TGM3: variants seen among roughly 807,000 people sequenced by gnomAD.
TGM3 encodes protein-glutamine gamma-glutamyltransferase E.
TGM3 carries 52 observed loss-of-function variants against 73.8 expected under a neutral mutation model. The ratio of observed to expected loss-of-function variants is 0.70; its 90% CI spans 0.56 to 0.89. The LOEUF (loss-of-function observed/expected upper bound fraction) is 0.89. Ranked by LOEUF, TGM3 falls within the 40% of genes least tolerant of loss-of-function variation. The pLI is 0.00. For synonymous variants in TGM3, 372 were observed against 354.9 expected, an observed-to-expected ratio of 1.05 and a Z score of -0.54; for missense variants, 928 against 909.9, an observed-to-expected ratio of 1.02 and a Z score of -0.26.
At position 2,317,483 on chromosome 20, in the gene TGM3, A is replaced by G. The variant is rs767356864; in HGVS notation, c.981A>G (p.Val327=). The stretch of plus-strand genomic sequence containing the variant: ...CCCTGGACAAGGGTAGTGATAGCGT[A>G]TGGTAAGTATCTCACCTTTTCCCTG... ...GNPLDKGSDS[V]WNFHVWNEGW... Residue 327 remains valine (V), a splice_region_variant and synonymous_variant, in exon 7 of 13, where the codon GTA becomes GTG. Coordinates refer to ENST00000381458, the MANE Select transcript of TGM3 (RefSeq NM_003245.4). 6.2e-7 allele frequency: 1 copy of G among 1,614,220 alleles called. No homozygotes were observed. The highest frequency in any genetic ancestry group is 1.7e-5 in the Admixed American group (1 of 60,036).
intron 1 of TGM3, among the ~76,000 whole-genome samples, chr20:2,299,557 G>T (rs1041651353): frequency 6.6e-6 from 1 of 152,216 alleles, no homozygotes; most frequent in African/African-American, 2.4e-5. Flanking sequence ...AGGGCACAAG[G>T]CCCTAGGATC....
chr20:2,338,568 C>T (rs898451459), intron 11 of TGM3, among the ~76,000 whole-genome samples: 2 of 152,146 alleles, frequency 1.3e-5, no homozygotes, highest in African/African-American at 4.8e-5. Context: ...GTATTGCAGA[C>T]CTATCAGAAA....
In TGM3 at chr20:2,339,875, C is replaced by A. The variant is rs370607077; in HGVS notation, c.1822C>A (p.Arg608=). ...ATAGGTGCTGAACGAGGCTCGTGTGCGGAAGCCTGTGAACGTGCAGATGCT... is the reference window on the plus strand; with the variant it reads ...ATAGGTGCTGAACGAGGCTCGTGTGAGGAAGCCTGTGAACGTGCAGATGCT... ...TLEVLNEARV[R]KPVNVQMLFS... Residue 608 remains arginine, a synonymous_variant, in exon 12 of 13, where the codon CGG becomes AGG. Transcript: ENST00000381458. The A allele has an allele frequency of 8.1e-6, 13 of 1,613,908 alleles. No homozygotes were observed. Among genetic ancestry groups the A allele is most frequent in the African/African-American group, 2.7e-5 (2 of 74,918 alleles).
chr20:2,338,794 A>G (rs1200823949), intron 11 of TGM3, among the ~76,000 whole-genome samples: 1 of 152,256 alleles, frequency 6.6e-6, no homozygotes. Flanking sequence ...GTCCATTTCT[A>G]TGTCCAAAAT....
intron 4 of TGM3, 29 bp from the exon 5 acceptor site, chr20:2,312,869 A>G (rs1224349504): frequency 1.6e-5 from 26 of 1,612,264 alleles, no homozygotes; most frequent in Admixed American, 5.0e-5. Context: ...CATTTCTTTA[A>G]TTGTAATGTA....
chr20:2,311,049 G>C lies in TGM3; in HGVS notation c.460G>C (p.Glu154Gln). 1 of 1,614,122 alleles carries C rather than the reference G, an allele frequency of 6.2e-7. No homozygotes were observed. The change falls in exon 4 of 13, where the codon GAG (glutamate) becomes CAG (glutamine). Residue 154 changes from glutamate to glutamine, a missense_variant. Coordinates refer to ENST00000381458, the MANE Select transcript of TGM3 (RefSeq NM_003245.4). ...TATGGGTAACCACGCTGAGAGAGAA[G>C]AGTATGTTCAGGAAGATGCCGGCAT... Reference protein sequence around the residue: ...VFMGNHAEREEYVQEDAGIIF... With the variant: ...VFMGNHAEREQYVQEDAGIIF...
intron 9 of TGM3, 63 bp from the exon 10 acceptor site, chr20:2,331,939 A>T (rs912028749): frequency 4.5e-6 from 7 of 1,544,520 alleles, no homozygotes; most frequent in African/African-American, 1.4e-5. Flanking sequence ...CAGGCAGGGT[A>T]CTGTCCTTTG....
At chr20:2,308,855 G>A (rs969449915) in intron 1 of TGM3, among the ~76,000 whole-genome samples, 3 of 150,396 alleles carry the variant, frequency 2.0e-5, no homozygotes, top group African/African-American at 4.9e-5. Context: ...TGATGGGGGT[G>A]AGAGAGGTAT....
intron 12 of TGM3, 53 bp downstream of exon 12, chr20:2,340,040 G>GGTGGGGGGGGGGGGGGGGGC: frequency 1.1e-6 from 1 of 944,846 alleles, no homozygotes; most frequent in Non-Finnish European, 1.6e-6. Context: ...GGGCGGGGGG[G>GGTGGGGGGGGGGGGGGGGGC]CCCTCCAGAT....
At chr20:2,324,466 G>A (rs1406382157) in intron 7 of TGM3, among the ~76,000 whole-genome samples, 1 of 152,154 alleles carries the variant, frequency 6.6e-6, no homozygotes, top group Non-Finnish European at 1.5e-5. Context: ...GGATGTGTCT[G>A]AATTCTGTTC....
At chr20:2,327,980 TG>T in intron 8 of TGM3, 139 bp from the exon 9 acceptor site, 1 of 1,200,368 alleles carries the variant, frequency 8.3e-7, no homozygotes, top group Non-Finnish European at 1.2e-6. Flanking sequence ...GCCAAATGAG[TG>T]GGACACACAG....
intron 1 of TGM3, among the ~76,000 whole-genome samples, chr20:2,302,978 G>C (rs1423957767): frequency 1.3e-5 from 2 of 152,192 alleles, no homozygotes; most frequent in Non-Finnish European, 2.9e-5. Context: ...ATCACATATT[G>C]TGTGGTTCCA....
intron 7 of TGM3, among the ~76,000 whole-genome samples, chr20:2,325,204 G>C (rs1273112506): frequency 3.3e-5 from 5 of 152,150 alleles, no homozygotes; most frequent in African/African-American, 1.2e-4. Flanking sequence ...GTGGAGAGGA[G>C]AGAAGAGGGC....
At chr20:2,336,956 T>C (rs545596652) in intron 11 of TGM3, among the ~76,000 whole-genome samples, 10 of 152,224 alleles carry the variant, frequency 6.6e-5, no homozygotes, top group African/African-American at 2.4e-4. Context: ...ATCTCAATTA[T>C]ACACCCTCAG....
In TGM3 at chr20:2,328,974, A is replaced by G. The variant is rs563481108; in HGVS notation, c.1333+609A>G. Among the ~76,000 whole-genome samples, 16 of 152,310 alleles carry G rather than the reference A, an allele frequency of 1.1e-4. No individual in the cohort carries two copies. The highest frequency in any genetic ancestry group is 6.8e-3 in the Middle Eastern group (2 of 294). On this transcript the variant is annotated intron_variant, in intron 9 of 12. Transcript: ENST00000381458. The surrounding 1 kb of genome is among the most constrained non-coding windows in gnomAD (Gnocchi z 5.2). The stretch of plus-strand genomic sequence containing the variant: ...AGTTGCTGCGAGGCTGCCTCGACTC[A>G]ATTATATTCACTGCCCAGAGTTTCT...
intron 1 of TGM3, among the ~76,000 whole-genome samples, chr20:2,305,573 G>A (rs747890237): frequency 3.5e-4 from 53 of 152,196 alleles, no homozygotes; most frequent in Non-Finnish European, 6.6e-4. Context: ...CATAGCAGTT[G>A]GCATAAAGAA....
chr20:2,339,862 C>T lies in TGM3; in HGVS notation c.1809C>T (p.Asn603=), dbSNP rs754820145. 5.5e-5 allele frequency: 88 copies of T among 1,613,880 alleles called. No homozygotes were observed. In the East Asian group the frequency reaches 5.8e-4, roughly 11 times the overall value. The part of the protein sequence containing the change: ...DNPTLTLEVL[N]EARVRKPVNV... ...GCCCCTCTCCCCCATAGGTGCTGAACGAGGCTCGTGTGCGGAAGCCTGTGA... is the reference window on the plus strand; with the variant it reads ...GCCCCTCTCCCCCATAGGTGCTGAATGAGGCTCGTGTGCGGAAGCCTGTGA... Residue 603 remains asparagine (N), a synonymous_variant, in exon 12 of 13, where the codon AAC becomes AAT. Transcript: ENST00000381458.
In TGM3 at chr20:2,314,530, TACACACAC is replaced by T. The variant is rs11473649; in HGVS notation, c.669+1538_669+1545del. On this transcript the variant is annotated intron_variant, in intron 5 of 12. Transcript: ENST00000381458. ...AACATAGTGAGACCTCATCTACACA[TACACACAC>T]ACACACACACACACACACACACACA... Among the ~76,000 whole-genome samples, 801 of 136,294 alleles carry T rather than the reference TACACACAC, an allele frequency of 5.9e-3. 4 individuals carry two copies. Among genetic ancestry groups the T allele is most frequent in the South Asian group, 0.017 (71 of 4,084 alleles). 89.4% of individuals were successfully genotyped at this position (136,294 alleles called of 152,430 possible).
At position 2,317,395 on chromosome 20, in the gene TGM3, A is replaced by C; in HGVS notation, c.893A>C (p.Asn298Thr). The change falls in exon 7 of 13, where the codon AAC (asparagine) becomes ACC (threonine). Residue 298 changes from asparagine to threonine, a missense_variant. Coordinates refer to ENST00000381458, the MANE Select transcript of TGM3 (RefSeq NM_003245.4). The stretch of plus-strand genomic sequence containing the variant: ...CCTTCCCGGGTGATCACCAACTTCA[A>C]CTCAGCTCATGACACAGACCGAAAT... ...GIPSRVITNF[N>T]SAHDTDRNLS... 1.2e-6 allele frequency: 2 copies of C among 1,614,120 alleles called. No homozygotes were observed. Among genetic ancestry groups the C allele is most frequent in the Non-Finnish European group, 1.7e-6 (2 of 1,180,020 alleles).
Sources: gnomAD v4.1 joint callset for allele counts (sites outside exome capture counted in the v4.1 genomes callset) on GRCh38, gnomAD v4.1.1 for gene constraint, Gnocchi (gnomAD v3.1) non-coding constraint, MANE v1.5 for transcripts, NCBI Gene and HGNC (gene_info 2026-07-23, HGNC 2026-07-21) for gene names.